RRP1B: variants seen among roughly 807,000 people sequenced by gnomAD.
The protein encoded by RRP1B is ribosomal RNA processing protein 1 homolog B.
A neutral mutation model predicts 80.2 loss-of-function variants in RRP1B; 56 were observed. The observed-to-expected ratio is 0.70, with a 90% CI of 0.56 to 0.87. The LOEUF (loss-of-function observed/expected upper bound fraction) is 0.87. Ranked by LOEUF, RRP1B falls within the 40% of genes least tolerant of loss-of-function variation. The pLI is 0.00. For missense variants in RRP1B, 807 were observed against 939.8 expected (o/e 0.86, Z 1.85); for synonymous variants, 351 against 357.6 (o/e 0.98, Z 0.21).
chr21:43,665,609 C>T (rs958420189), intron 1 of RRP1B, among the ~76,000 whole-genome samples: 14 of 152,088 alleles, frequency 9.2e-5, no homozygotes, highest in African/African-American at 3.1e-4. Context: ...TGCAGTGGTG[C>T]GATCTTGGCT....
At chr21:43,669,232 G>A (rs1353486814) in intron 1 of RRP1B, among the ~76,000 whole-genome samples, 1 of 152,064 alleles carries the variant, frequency 6.6e-6, no homozygotes, top group African/African-American at 2.4e-5. Context: ...AGCCAACCTG[G>A]TGATGCCACA....
chr21:43,661,080 A>G (rs2082954351), intron 1 of RRP1B, among the ~76,000 whole-genome samples: 2 of 152,222 alleles, frequency 1.3e-5, no homozygotes, highest in South Asian at 4.1e-4. Flanking sequence ...AGAAATCACC[A>G]GACTACCCAA....
At position 43,688,172 on chromosome 21, in the gene RRP1B, A is replaced by G. The variant is rs567918022; in HGVS notation, c.1798A>G (p.Arg600Gly). ...AAGTTTGAAAAAGAGGAAGAAAATG[A>G]GAGTGATGTCAAACTTGGTGGAGCA... ...TASLKKRKKM[R>G]VMSNLVEHNG... Residue 600 changes from arginine to glycine, a missense_variant, in exon 13 of 16, where the codon AGA (arginine) becomes GGA (glycine). Physicochemically the swap from Arg to Gly is moderately radical, Grantham distance 125. Coordinates refer to ENST00000340648, the MANE Select transcript of RRP1B (RefSeq NM_015056.3). 5.1e-6 allele frequency: 8 copies of G among 1,576,574 alleles called. No homozygotes were observed. Among genetic ancestry groups the G allele is most frequent in the Non-Finnish European group, 6.9e-6 (8 of 1,160,296 alleles).
intron 9 of RRP1B, among the ~76,000 whole-genome samples, chr21:43,684,103 ACT>A (rs960591623): frequency 3.9e-4 from 54 of 136,996 alleles, no homozygotes; most frequent in Non-Finnish European, 3.2e-4. Context: ...ACAGAGTCGC[ACT>A]CTGTCTCCCA....
At chr21:43,689,659 G>C (rs1016382598) in intron 13 of RRP1B, among the ~76,000 whole-genome samples, 1 of 152,256 alleles carries the variant, frequency 6.6e-6, no homozygotes, top group African/African-American at 2.4e-5. Flanking sequence ...ATAAGTCCCA[G>C]GGTCAAGGGA....
intron 2 of RRP1B, among the ~76,000 whole-genome samples, chr21:43,671,612 C>T (rs1053187188): frequency 1.3e-5 from 2 of 152,090 alleles, no homozygotes; most frequent in African/African-American, 4.8e-5. Flanking sequence ...GAGCGATCCA[C>T]CCGCCTCGGC....
chr21:43,688,069 C>G lies in RRP1B; in HGVS notation c.1695C>G (p.Pro565=), dbSNP rs1458381139. 6.2e-7 allele frequency: 1 copy of G among 1,612,308 alleles called. No homozygotes were observed. Among genetic ancestry groups the G allele is most frequent in the Admixed American group, 1.7e-5 (1 of 59,888 alleles). The change falls in exon 13 of 16, where the codon CCC becomes CCG. Residue 565 remains proline (P), a synonymous_variant. Transcript: ENST00000340648. Reference sequence around the variant, plus strand: ...GGGCGAACAGCCACACCACGCTGCCCCAGCGCAGGAGGCTGCAGAAAAAGA... The same window carrying G: ...GGGCGAACAGCCACACCACGCTGCCGCAGCGCAGGAGGCTGCAGAAAAAGA... ...AEGANSHTTL[P]QRRRLQKKKA...
At chr21:43,667,216 C>CGTTT (rs543164242) in intron 1 of RRP1B, among the ~76,000 whole-genome samples, 7,525 of 151,836 alleles carry the variant, frequency 0.05, 285 homozygotes, top group African/African-American at 0.11. Flanking sequence ...TTCTTAATAT[C>CGTTT]GTTTGTTTGT....
intron 2 of RRP1B, among the ~76,000 whole-genome samples, chr21:43,671,131 C>T (rs913013233): frequency 9.2e-5 from 14 of 152,194 alleles, no homozygotes; most frequent in Middle Eastern, 3.4e-3. Flanking sequence ...GAAGAGAGGG[C>T]GTCTCCCCAG....
chr21:43,673,440 C>G (rs2083007895), intron 3 of RRP1B, among the ~76,000 whole-genome samples: 1 of 152,066 alleles, frequency 6.6e-6, no homozygotes. Flanking sequence ...TTGAGACCAG[C>G]CTGGCCAACA....
chr21:43,674,522 C>T, intron 4 of RRP1B, 114 bp from the exon 5 acceptor site: 3 of 747,930 alleles, frequency 4.0e-6, no homozygotes, highest in Non-Finnish European at 6.5e-6. Flanking sequence ...CTTTTGGGAT[C>T]CAGGCCATAA....
At chr21:43,674,819 T>C in intron 5 of RRP1B, 122 bp downstream of exon 5, 2 of 1,075,718 alleles carry the variant, frequency 1.9e-6, no homozygotes, top group Non-Finnish European at 2.8e-6. Flanking sequence ...CTATAGAGAA[T>C]TGAAATCCAG....
At chr21:43,672,452 C>A in intron 3 of RRP1B, 87 bp downstream of exon 3, 1 of 1,139,560 alleles carries the variant, frequency 8.8e-7, no homozygotes, top group South Asian at 1.3e-5. Context: ...GTGTAGATGT[C>A]AGGGGACAAG....
intron 11 of RRP1B, 132 bp from the exon 12 acceptor site, chr21:43,686,672 C>T (rs1276763888): frequency 9.8e-6 from 10 of 1,024,222 alleles, no homozygotes; most frequent in Non-Finnish European, 1.3e-5. Flanking sequence ...CAGCAGCGCT[C>T]AGGTTTGGGT....
Position 43,687,783 on chromosome 21 carries a change from A to G in RRP1B, c.1409A>G (p.Asn470Ser), listed in dbSNP as rs769650513. ...SEHPPAVPMH[N>S]KRKRPRKKSP... ...CATCCTCCAGCCGTCCCCATGCACA[A>G]TAAAAGGAAACGGCCACGGAAGAAG... The change falls in exon 13 of 16, where the codon AAT (asparagine) becomes AGT (serine). Residue 470 changes from asparagine (N) to serine (S), a missense_variant. Transcript: ENST00000340648. The G allele has an allele frequency of 1.9e-6, 3 of 1,613,200 alleles. No individual in the cohort carries two copies. The highest frequency in any genetic ancestry group is 2.7e-5 in the African/African-American group (2 of 74,950).
intron 8 of RRP1B, among the ~76,000 whole-genome samples, chr21:43,677,336 A>G (rs1465163238): frequency 6.6e-6 from 1 of 151,996 alleles, no homozygotes; most frequent in Non-Finnish European, 1.5e-5. Flanking sequence ...TCCTTCAGGG[A>G]ATGTTTTTCT....
In RRP1B at chr21:43,691,440, T is replaced by C. The variant is rs1809404433; in HGVS notation, c.2021T>C (p.Leu674Pro). The change falls in exon 15 of 16, where the codon CTA becomes CCA. Residue 674 changes from leucine (L) to proline (P), a missense_variant and splice_region_variant. By Grantham distance (98) the Leu-to-Pro change is moderately conservative. Transcript: ENST00000340648. This position sits in a 1 kb window ranked among gnomAD's most constrained non-coding sequence, Gnocchi z 4.2. ...ATHPPGPAVQ[L>P]NKTPSSSKKV... The stretch of plus-strand genomic sequence containing the variant: ...GTTCCTGTTATTTCTCTTCTGCAGC[T>C]AAACAAGACACCATCCAGCTCCAAG... 2 of 1,613,976 alleles carry C rather than the reference T, an allele frequency of 1.2e-6. No homozygotes were observed. Among genetic ancestry groups the C allele is most frequent in the Non-Finnish European group, 1.7e-6 (2 of 1,179,870 alleles).
At chr21:43,679,260 G>T (rs753886616) in intron 8 of RRP1B, among the ~76,000 whole-genome samples, 2 of 150,728 alleles carry the variant, frequency 1.3e-5, no homozygotes, top group East Asian at 1.9e-4. Context: ...GGTGTTTTGG[G>T]TTTTTTTTGG....
intron 13 of RRP1B, among the ~76,000 whole-genome samples, chr21:43,690,007 CA>C (rs2083080039): frequency 6.6e-6 from 1 of 152,280 alleles, no homozygotes; most frequent in Non-Finnish European, 1.5e-5. Context: ...TTTGAAAGGC[CA>C]AAATCCCCAT....
Sources: allele counts gnomAD v4.1 joint callset (sites outside exome capture counted in the v4.1 genomes callset), GRCh38; gene constraint gnomAD v4.1.1; non-coding constraint Gnocchi (gnomAD v3.1); transcripts MANE v1.5; gene names NCBI Gene and HGNC (gene_info 2026-07-23, HGNC 2026-07-21).